LAT2: variants seen among roughly 807,000 people sequenced by gnomAD.
LAT2 encodes linker for activation of T cells family member 2.
Under a neutral mutation model 43.4 loss-of-function variants are expected in LAT2, and 23 were observed. The observed-to-expected ratio is 0.53, with a 90% CI of 0.38 to 0.75. The LOEUF (loss-of-function observed/expected upper bound fraction) is 0.75. Ranked by LOEUF, LAT2 falls within the 30% of genes least tolerant of loss-of-function variation. The probability of loss-of-function intolerance (pLI) is 0.00; values close to 1 mark genes in which losing one functional copy is unlikely to be tolerated. For missense variants in LAT2, 284 were observed against 310.2 expected (o/e 0.92, Z 0.64); for synonymous variants, 128 against 123.2 (o/e 1.04, Z -0.26).
In LAT2 at chr7:74,223,998, C is replaced by G. The variant is rs1802388767; in HGVS notation, c.449-20C>G. ...CTCTGTGGGACTGAGCCAAGGGGGG[C>G]CTATTCTCCCTCTCTGCAGGTGCCC... On this transcript the variant is annotated intron_variant, in intron 11 of 13. Transcript: ENST00000460943. The G allele has an allele frequency of 6.2e-7, 1 of 1,610,374 alleles. No homozygotes were observed.
In LAT2 at chr7:74,219,796, C is replaced by T; in HGVS notation, c.178+9C>T. On this transcript the variant is annotated intron_variant, in intron 5 of 13. Coordinates refer to ENST00000460943, the MANE Select transcript of LAT2 (RefSeq NM_032464.3). ...GTCCCGGACCTACTCCTGTGAGTCT[C>T]CAAGTGTCCCCGGGTTGGGCTCTGG... 6.2e-7 allele frequency: 1 copy of T among 1,614,090 alleles called. No homozygotes were observed. The highest frequency in any genetic ancestry group is 8.5e-7 in the Non-Finnish European group (1 of 1,180,016).
At position 74,221,307 on chromosome 7, in the gene LAT2, C is replaced by T. The variant is rs141820730; in HGVS notation, c.333-330C>T. 8.8e-5 allele frequency among the ~76,000 whole-genome samples: 13 copies of T among 147,184 alleles called. No individual in the cohort carries two copies. The South Asian group carries it at 2.0e-3, about 22-fold the overall frequency. ...GTGCGTGCCTGTAATCCCAGCTACT[C>T]GGGAGGCTGATGCAGGAGAATCGCT... is the stretch of plus-strand genomic sequence containing the variant. On this transcript the variant is annotated intron_variant, in intron 9 of 13. Transcript: ENST00000460943.
intron 1 of LAT2, among the ~76,000 whole-genome samples, chr7:74,214,372 A>G (rs868924712): frequency 3.3e-4 from 23 of 68,878 alleles, no homozygotes; most frequent in African/African-American, 1.2e-3. Context: ...ATATATATAT[A>G]TGAAAATATA....
intron 4 of LAT2, among the ~76,000 whole-genome samples, chr7:74,217,840 C>T (rs1360311218): frequency 2.0e-5 from 3 of 152,198 alleles, no homozygotes; most frequent in Non-Finnish European, 2.9e-5. Flanking sequence ...GACCCACACA[C>T]GCACACCCGC....
intron 9 of LAT2, among the ~76,000 whole-genome samples, chr7:74,221,410 CAAA>C (rs782694803): frequency 9.5e-5 from 2 of 21,086 alleles, no homozygotes; most frequent in Middle Eastern, 0.029. Context: ...GACTCTGTCT[CAAA>C]AAAAAAAAAA....
chr7:74,219,980 G>A lies in LAT2; in HGVS notation c.199G>A (p.Gly67Arg), dbSNP rs1480856851. 5.0e-6 allele frequency: 8 copies of A among 1,613,672 alleles called. No individual in the cohort carries two copies. The highest frequency in any genetic ancestry group is 6.8e-6 in the Non-Finnish European group (8 of 1,179,982). The change falls in exon 6 of 14, where the codon GGA (glycine) becomes AGA (arginine). Residue 67 changes from glycine to arginine, a missense_variant. Transcript: ENST00000460943. ...TYSLVGQAWP[G>R]PLADMAPTRK... Reference sequence around the variant, plus strand: ...TGTAGTGGTCGGGCAGGCATGGCCAGGACCCCTGGCGGACATGGCACCCAC... The same window carrying A: ...TGTAGTGGTCGGGCAGGCATGGCCAAGACCCCTGGCGGACATGGCACCCAC...
At chr7:74,217,891 A>G (rs1275248778) in intron 4 of LAT2, among the ~76,000 whole-genome samples, 1 of 152,216 alleles carries the variant, frequency 6.6e-6, no homozygotes, top group Non-Finnish European at 1.5e-5. Context: ...CTGAAAAACC[A>G]CAGTGAGATT....
rs1554716530 is a variant in LAT2 at position 74,229,353 on chromosome 7, A to G, written c.*428A>G. On this transcript the variant is annotated 3_prime_UTR_variant, in exon 14 of 14. Coordinates refer to ENST00000460943, the MANE Select transcript of LAT2 (RefSeq NM_032464.3). ...GTTGCTGGGGTTTTAAATGATTGAT[A>G]AGCTTGTACAGTTAACTTATAGAGG... is the stretch of plus-strand genomic sequence containing the variant. 6.6e-6 allele frequency: 1 copy of G among 152,632 alleles called. No individual in the cohort carries two copies. The highest frequency in any genetic ancestry group is 1.5e-5 in the Non-Finnish European group (1 of 68,046). 9.5% of individuals were successfully genotyped at this position (152,632 alleles called of 1,614,324 possible).
At chr7:74,224,553 GGAGTCTGGGGGTCT>G (rs1341259590) in intron 12 of LAT2, 72 bp from the exon 13 acceptor site, 77 of 1,187,246 alleles carry the variant, frequency 6.5e-5, no homozygotes, top group Non-Finnish European at 7.5e-5. Flanking sequence ...GCTGTTTTGT[GGAGTCTGGGGGTCT>G]GAGTCTGGGG....
intron 13 of LAT2, among the ~76,000 whole-genome samples, chr7:74,226,708 G>GT (rs1802502122): frequency 6.6e-6 from 1 of 152,120 alleles, no homozygotes; most frequent in African/African-American, 2.4e-5. Flanking sequence ...TTCACTGGTG[G>GT]TAAGTCTGGC....
chr7:74,215,439 C>T (rs868944640), intron 2 of LAT2, among the ~76,000 whole-genome samples: 7 of 152,116 alleles, frequency 4.6e-5, no homozygotes, highest in South Asian at 4.1e-4. Flanking sequence ...CTTCCGGGTG[C>T]GTCTGCGTGA....
rs1802032835 is a variant in LAT2 at position 74,216,070 on chromosome 7, G to A, written c.94+1G>A. On this transcript the variant is annotated splice_donor_variant, in intron 3 of 13. Coordinates refer to ENST00000460943, the MANE Select transcript of LAT2 (RefSeq NM_032464.3). LOFTEE classifies it high-confidence loss of function. ...CTGTGTGTGCGCTGCTCACGCCCAG[G>A]TAAGCGGGGGTCTCGGGGACGTGAT... is the stretch of plus-strand genomic sequence containing the variant. The A allele has an allele frequency of 6.2e-7, 1 of 1,608,120 alleles. No homozygotes were observed. Among genetic ancestry groups the A allele is most frequent in the Admixed American group, 1.7e-5 (1 of 58,878 alleles).
intron 4 of LAT2, among the ~76,000 whole-genome samples, chr7:74,219,409 C>T (rs1554714696): frequency 6.6e-6 from 1 of 152,192 alleles, no homozygotes; most frequent in Non-Finnish European, 1.5e-5. Flanking sequence ...GCCCTGTCCA[C>T]AGACCCCTCC....
At chr7:74,224,553 G>T in intron 12 of LAT2, 86 bp from the exon 13 acceptor site, 1 of 1,187,378 alleles carries the variant, frequency 8.4e-7, no homozygotes, top group Non-Finnish European at 1.2e-6. Flanking sequence ...GCTGTTTTGT[G>T]GAGTCTGGGG....
chr7:74,214,217 T>TATATATATGAAA (rs1335122771), intron 1 of LAT2, among the ~76,000 whole-genome samples: 4 of 100,214 alleles, frequency 4.0e-5, no homozygotes, highest in Non-Finnish European at 7.1e-5. Flanking sequence ...TATATGAAAA[T>TATATATATGAAA]ATATATATGA....
At chr7:74,219,601 A>T (rs1335450562) in intron 4 of LAT2, 143 bp from the exon 5 acceptor site, 2 of 993,474 alleles carry the variant, frequency 2.0e-6, no homozygotes, top group Admixed American at 1.7e-5. Context: ...TGAGGCCTGA[A>T]AGGGCAGCAG....
intron 4 of LAT2, among the ~76,000 whole-genome samples, chr7:74,217,858 T>C (rs559257775): frequency 2.0e-5 from 3 of 152,156 alleles, no homozygotes; most frequent in Admixed American, 6.6e-5. Flanking sequence ...CGCACACACA[T>C]CCTTCCTCAT....
chr7:74,220,166 G>T lies in LAT2; in HGVS notation c.228-51G>T, dbSNP rs949706311. 1.3e-6 allele frequency: 2 copies of T among 1,572,478 alleles called. No individual in the cohort carries two copies. Among genetic ancestry groups the T allele is most frequent in the East Asian group, 2.2e-5 (1 of 44,456 alleles). On this transcript the variant is annotated intron_variant, in intron 6 of 13. Coordinates refer to ENST00000460943, the MANE Select transcript of LAT2 (RefSeq NM_032464.3). This position sits in a 1 kb window ranked among gnomAD's most constrained non-coding sequence, Gnocchi z 4.5. ...GGTATGGGGGGATGTGTCCTGGGGG[G>T]CCTCTCCCCTACAGCCCCTCCTTTA...
chr7:74,220,001 C>T lies in LAT2; in HGVS notation c.220C>T (p.Pro74Ser). 5.6e-6 allele frequency: 9 copies of T among 1,613,682 alleles called. No individual in the cohort carries two copies. Among genetic ancestry groups the T allele is most frequent in the Non-Finnish European group, 7.6e-6 (9 of 1,179,956 alleles). ...GCCAGGACCCCTGGCGGACATGGCA[C>T]CCACAAGGTAGGTCACAGTCCCCCA... ...AWPGPLADMA[P>S]TRKDKLLQFY... The change falls in exon 6 of 14, where the codon CCC becomes TCC. Residue 74 changes from proline to serine, a missense_variant. Coordinates refer to ENST00000460943, the MANE Select transcript of LAT2 (RefSeq NM_032464.3). The surrounding 1 kb of genome is among the most constrained non-coding windows in gnomAD (Gnocchi z 4.5).
Sources: allele counts gnomAD v4.1 joint callset (sites outside exome capture counted in the v4.1 genomes callset), GRCh38; gene constraint gnomAD v4.1.1; non-coding constraint Gnocchi (gnomAD v3.1); transcripts MANE v1.5; gene names NCBI Gene and HGNC (gene_info 2026-07-23, HGNC 2026-07-21).